The following TANC1 variants were observed in gnomAD, a reference collection of about 807,000 sequenced individuals.
TANC1 encodes the protein protein TANC1.
Under a neutral mutation model 149.7 loss-of-function variants are expected in TANC1, and 77 were observed. The ratio of observed to expected loss-of-function variants is 0.51; its 90% CI spans 0.43 to 0.62. The LOEUF (loss-of-function observed/expected upper bound fraction) is 0.62. TANC1 is among the 20% of genes least tolerant of loss of function. The probability of loss-of-function intolerance (pLI) is 0.00; values close to 1 mark genes in which losing one functional copy is unlikely to be tolerated. For synonymous variants in TANC1, 854 were observed against 925.0 expected (o/e 0.92, Z 1.39); for missense variants, 1,985 against 2,321.8 (o/e 0.85, Z 2.98).
chr2:159,228,816 A>T lies in TANC1; in HGVS notation c.4071A>T (p.Glu1357Asp). The part of the protein sequence containing the change: ...RKTNDFGMAE[E>D]FASKALELKP... Reference sequence around the variant, plus strand: ...ACCAGGACTTTGGCATGGCAGAGGAATTTGCTTCCAAGGCTCTCGAATTGA... The same window carrying T: ...ACCAGGACTTTGGCATGGCAGAGGATTTTGCTTCCAAGGCTCTCGAATTGA... The change falls in exon 26 of 27, where the codon GAA becomes GAT. Residue 1357 changes from glutamate to aspartate, a missense_variant. By Grantham distance (45) the Glu-to-Asp change is conservative (BLOSUM62 2). Coordinates refer to ENST00000263635, the MANE Select transcript of TANC1 (RefSeq NM_033394.3). 6.2e-7 allele frequency: 1 copy of T among 1,614,078 alleles called. No homozygotes were observed. The highest frequency in any genetic ancestry group is 8.5e-7 in the Non-Finnish European group (1 of 1,179,962).
chr2:159,108,354 G>A (rs17207648), intron 4 of TANC1, among the ~76,000 whole-genome samples: 4 of 152,068 alleles, frequency 2.6e-5, no homozygotes, highest in South Asian at 4.2e-4. Flanking sequence ...CCCGTTTCCC[G>A]CCGCCTGCAG....
At chr2:159,117,701 CTTTTTTTTTT>C (rs59509568) in intron 4 of TANC1, among the ~76,000 whole-genome samples, 29,566 of 113,102 alleles carry the variant, frequency 0.26, 4,726 homozygotes, top group Non-Finnish European at 0.35. Context: ...CGGCCTATTC[CTTTTTTTTTT>C]TTTTTTTTTT....
rs749770056 is a variant in TANC1, at chr2:159,232,021, CAAAAA to C, written c.*1011_*1015del. 1 of 152,440 alleles carries C rather than the reference CAAAAA, an allele frequency of 6.6e-6. No homozygotes were observed. The highest frequency in any genetic ancestry group is 1.5e-5 in the Non-Finnish European group (1 of 67,968). 9.4% of individuals were successfully genotyped at this position (152,440 alleles called of 1,614,324 possible). A position where few individuals can be genotyped will look rare whatever the true frequency, so the allele number is the denominator to read the frequency against. On this transcript the variant is annotated 3_prime_UTR_variant, in exon 27 of 27. Coordinates refer to ENST00000263635, the MANE Select transcript of TANC1 (RefSeq NM_033394.3). ...TATTTCAATGTAGTTAATCTAAAAA[CAAAAA>C]AGAAAACCCCAGTCACGATTTGCAT...
chr2:159,189,664 C>T (rs1005346055), intron 16 of TANC1, among the ~76,000 whole-genome samples: 1 of 152,084 alleles, frequency 6.6e-6, no homozygotes, highest in Non-Finnish European at 1.5e-5. Context: ...GCAGTTGATA[C>T]TTTCCAAAAT....
intron 19 of TANC1, among the ~76,000 whole-genome samples, chr2:159,204,650 G>A (rs1276260476): frequency 4.6e-5 from 7 of 152,184 alleles, no homozygotes; most frequent in East Asian, 1.9e-4. Context: ...GGACGCTGGC[G>A]GCTCCCCAGG....
chr2:159,103,386 C>CT lies in TANC1; in HGVS notation c.259+5557dup, dbSNP rs1454666612. Among the ~76,000 whole-genome samples, 9 of 96,078 alleles carry CT rather than the reference C, an allele frequency of 9.4e-5. 1 individual carries two copies. In the East Asian group the frequency reaches 1.4e-3, roughly 15 times the overall value. The allele number at this position is 96,078 out of a possible 152,430, so 63.0% of individuals were successfully genotyped here. A position where few individuals can be genotyped will look rare whatever the true frequency, so the allele number is the denominator to read the frequency against. On this transcript the variant is annotated intron_variant, in intron 4 of 26. Transcript: ENST00000263635. ...CCCCCCAGCATTCTTTGAGTGGCTG[C>CT]TTTTTGAAATTCACATCTTCTGGGA...
rs757075892 is a variant in TANC1 at position 159,219,981 on chromosome 2, T to A, written c.3678+114T>A. On this transcript the variant is annotated intron_variant, in intron 22 of 26. Coordinates refer to ENST00000263635, the MANE Select transcript of TANC1 (RefSeq NM_033394.3). ...TGTGTCTCAGTGTCATCAGAGAGTG[T>A]GTGTGTGTGTGTGTGTGTGTGTGTG... The A allele has an allele frequency of 4.4e-4, 126 of 288,868 alleles. No homozygotes were observed. Among genetic ancestry groups the A allele is most frequent in the African/African-American group, 2.2e-3 (54 of 24,760 alleles). 17.9% of individuals were successfully genotyped at this position (288,868 alleles called of 1,614,324 possible). A position where few individuals can be genotyped will look rare whatever the true frequency, so the allele number is the denominator to read the frequency against.
intron 14 of TANC1, 102 bp downstream of exon 14, chr2:159,179,265 G>T: frequency 1.4e-6 from 2 of 1,419,578 alleles, no homozygotes; most frequent in Non-Finnish European, 9.5e-7. Context: ...GGGCAATCCA[G>T]AATGACTAAT....
chr2:159,043,258 G>A (rs973358991), intron 2 of TANC1, among the ~76,000 whole-genome samples: 4 of 152,040 alleles, frequency 2.6e-5, no homozygotes, highest in South Asian at 2.1e-4. Context: ...GAGTGCTGAC[G>A]GGTTTTCTTT....
At chr2:159,203,199 C>CTT (rs756888144) in intron 19 of TANC1, among the ~76,000 whole-genome samples, 1 of 111,610 alleles carries the variant, frequency 9.0e-6, no homozygotes, top group Non-Finnish European at 2.3e-5. Flanking sequence ...ATTCGATAGG[C>CTT]TTTTCTTTTC....
At chr2:159,127,076 G>T (rs1310997272) in intron 4 of TANC1, among the ~76,000 whole-genome samples, 1 of 152,194 alleles carries the variant, frequency 6.6e-6, no homozygotes, top group African/African-American at 2.4e-5. Context: ...GAACTTGAAA[G>T]TGTTAACATT....
At chr2:159,020,410 G>C (rs1323383805) in intron 2 of TANC1, among the ~76,000 whole-genome samples, 1 of 152,188 alleles carries the variant, frequency 6.6e-6, no homozygotes, top group African/African-American at 2.4e-5. Flanking sequence ...ATAGGTGTGA[G>C]CCACTGCACC....
chr2:159,012,220 G>A lies in TANC1; in HGVS notation c.-16+11031G>A, dbSNP rs1032690892. 7.9e-5 allele frequency among the ~76,000 whole-genome samples: 12 copies of A among 152,210 alleles called. 1 individual carries two copies. The highest frequency in any genetic ancestry group is 6.5e-4 in the Admixed American group (10 of 15,284). The stretch of plus-strand genomic sequence containing the variant: ...ACCAGCTTTTCTAAAAGTGAAATTG[G>A]ATTAAAAACAAACAACAACAAAAAA... On this transcript the variant is annotated intron_variant, in intron 2 of 26. Coordinates refer to ENST00000263635, the MANE Select transcript of TANC1 (RefSeq NM_033394.3).
At chr2:159,223,913 G>T (rs1380962103) in intron 22 of TANC1, among the ~76,000 whole-genome samples, 1 of 152,196 alleles carries the variant, frequency 6.6e-6, no homozygotes, top group African/African-American at 2.4e-5. Context: ...AGATGCAAAG[G>T]TGACTATGTC....
chr2:159,227,877 GAGA>G lies in TANC1; in HGVS notation c.3965_3967del (p.Glu1322del), dbSNP rs760290143. 7 of 1,614,110 alleles carry G rather than the reference GAGA, an allele frequency of 4.3e-6. No homozygotes were observed. The highest frequency in any genetic ancestry group is 1.7e-4 in the Middle Eastern group (1 of 6,060). On this transcript the variant is annotated inframe_deletion, in exon 25 of 27. Coordinates refer to ENST00000263635, the MANE Select transcript of TANC1 (RefSeq NM_033394.3). Reference sequence around the variant, plus strand: ...CAGTATGCCTTAAGAAAGTTTCCTCGAGAAGGATTCGGAGAGGACATGAGACCC... The same window carrying G: ...CAGTATGCCTTAAGAAAGTTTCCTCGAGGATTCGGAGAGGACATGAGACCC...
chr2:159,125,573 T>TCCTTCCTCCCTCCCTCCCTC (rs1553563186), intron 4 of TANC1, among the ~76,000 whole-genome samples: 4 of 138,984 alleles, frequency 2.9e-5, no homozygotes, highest in African/African-American at 5.5e-5. Flanking sequence ...ATTCCTTCCT[T>TCCTTCCTCCCTCCCTCCCTC]CCTCCCTCCC....
chr2:159,042,257 G>GT (rs796908299), intron 2 of TANC1, among the ~76,000 whole-genome samples: 68 of 152,278 alleles, frequency 4.5e-4, no homozygotes, highest in African/African-American at 1.6e-3. Flanking sequence ...TGCCAAGGTG[G>GT]TTTTTTTGGC....
At chr2:159,130,936 A>G (rs1447654344) in intron 4 of TANC1, among the ~76,000 whole-genome samples, 2 of 152,076 alleles carry the variant, frequency 1.3e-5, no homozygotes, top group African/African-American at 4.8e-5. Flanking sequence ...TTATTTGTAT[A>G]TAAGGTGCTA....
intron 3 of TANC1, among the ~76,000 whole-genome samples, chr2:159,085,509 T>C (rs1315153409): frequency 6.6e-6 from 1 of 152,196 alleles, no homozygotes; most frequent in African/African-American, 2.4e-5. Context: ...TAGTCCATTT[T>C]GCATTGCTAT....
Sources: allele counts gnomAD v4.1 joint callset (sites outside exome capture counted in the v4.1 genomes callset), GRCh38; gene constraint gnomAD v4.1.1; transcripts MANE v1.5; gene names NCBI Gene and HGNC (gene_info 2026-07-23, HGNC 2026-07-21).